EPHB2: variants seen among roughly 807,000 people sequenced by gnomAD.
The protein encoded by EPHB2 is EPH receptor B2.
Under a neutral mutation model 96.4 loss-of-function variants are expected in EPHB2, and 18 were observed. The ratio of observed to expected loss-of-function variants is 0.19; its 90% CI spans 0.13 to 0.28. The LOEUF is 0.28. Ranked by LOEUF, EPHB2 falls within the 10% of genes least tolerant of loss-of-function variation. EPHB2 has a pLI of 1.00. For synonymous variants in EPHB2, 506 were observed against 534.1 expected (o/e 0.95, Z 0.72); for missense variants, 989 against 1,355.4 (o/e 0.73, Z 4.25).
At chr1:22,806,472 T>C (rs1427774761) in intron 3 of EPHB2, among the ~76,000 whole-genome samples, 1 of 146,044 alleles carries the variant, frequency 6.8e-6, no homozygotes. Context: ...AGTGGATGGA[T>C]GGATGGACGG....
At chr1:22,895,616 G>C (rs1639533769) in intron 8 of EPHB2, 36 bp downstream of exon 8, 5 of 1,571,182 alleles carry the variant, frequency 3.2e-6, no homozygotes, top group Non-Finnish European at 3.5e-6. Flanking sequence ...AGGCCTGGCT[G>C]TCCCAGATGG....
At chr1:22,808,242 C>A (rs968505442) in intron 3 of EPHB2, among the ~76,000 whole-genome samples, 4 of 152,184 alleles carry the variant, frequency 2.6e-5, no homozygotes, top group African/African-American at 9.7e-5. Context: ...CTGAGGTTCC[C>A]CAAACCTGAA....
At chr1:22,723,207 C>T (rs1026115128) in intron 1 of EPHB2, among the ~76,000 whole-genome samples, 6 of 152,242 alleles carry the variant, frequency 3.9e-5, no homozygotes, top group African/African-American at 1.2e-4. Flanking sequence ...GCTTAGCGCA[C>T]AGTGGGATGC....
intron 1 of EPHB2, among the ~76,000 whole-genome samples, chr1:22,765,563 A>AAAAG (rs1553162300): frequency 6.7e-6 from 1 of 149,496 alleles, no homozygotes; most frequent in Non-Finnish European, 1.5e-5. Flanking sequence ...AAAAAAAAAA[A>AAAAG]CATTGAGTTC....
intron 1 of EPHB2, among the ~76,000 whole-genome samples, chr1:22,777,645 C>G (rs188621685): frequency 5.3e-5 from 8 of 152,332 alleles, no homozygotes; most frequent in African/African-American, 1.7e-4. Flanking sequence ...GGGAAAGCAG[C>G]ATCAGATGGA....
intron 3 of EPHB2, among the ~76,000 whole-genome samples, chr1:22,795,295 C>T (rs1445531328): frequency 6.6e-6 from 1 of 152,210 alleles, no homozygotes; most frequent in African/African-American, 2.4e-5. Flanking sequence ...ACTTGCAGAG[C>T]CTCCCTAAAA....
intron 5 of EPHB2, among the ~76,000 whole-genome samples, 180 bp downstream of exon 5, chr1:22,865,392 A>T (rs1057327965): frequency 6.6e-6 from 1 of 152,234 alleles, no homozygotes; most frequent in African/African-American, 2.4e-5. Flanking sequence ...TGGTATTAAT[A>T]ACAATTGCTC....
intron 5 of EPHB2, among the ~76,000 whole-genome samples, chr1:22,868,240 C>T (rs183638172): frequency 5.8e-4 from 89 of 152,142 alleles, no homozygotes; most frequent in African/African-American, 1.8e-3. Flanking sequence ...GAGGGGTTTC[C>T]GGGGAATAGG....
chr1:22,907,040 G>A (rs1051376728), intron 11 of EPHB2, 83 bp downstream of exon 11: 7 of 1,489,892 alleles, frequency 4.7e-6, no homozygotes, highest in South Asian at 1.4e-5. Flanking sequence ...GTCAGAGCCT[G>A]AAGGGGTCTT....
At chr1:22,737,765 C>G (rs1211000065) in intron 1 of EPHB2, among the ~76,000 whole-genome samples, 1 of 152,164 alleles carries the variant, frequency 6.6e-6, no homozygotes, top group East Asian at 1.9e-4. Context: ...CCAACAGGCT[C>G]TTGGGTTGAT....
chr1:22,741,520 T>C (rs948954812), intron 1 of EPHB2, among the ~76,000 whole-genome samples: 3 of 151,892 alleles, frequency 2.0e-5, no homozygotes, highest in Non-Finnish European at 2.9e-5. Flanking sequence ...GCCTGATGCA[T>C]AGAATAACTC....
chr1:22,908,469 G>A (rs536511060), intron 12 of EPHB2, among the ~76,000 whole-genome samples: 2 of 152,336 alleles, frequency 1.3e-5, no homozygotes, highest in East Asian at 1.9e-4. Flanking sequence ...GCCCGGAAAC[G>A]TTTGTCAGAT....
At chr1:22,763,497 C>T (rs1383874454) in intron 1 of EPHB2, among the ~76,000 whole-genome samples, 1 of 152,056 alleles carries the variant, frequency 6.6e-6, no homozygotes, top group African/African-American at 2.4e-5. Context: ...GGGTGGCTCC[C>T]CTCAACCATA....
In EPHB2 at chr1:22,781,422, A is replaced by T. The variant is rs779339531; in HGVS notation, c.63A>T (p.Glu21Asp). 2.0e-5 allele frequency: 33 copies of T among 1,613,830 alleles called. No homozygotes were observed. Among genetic ancestry groups the T allele is most frequent in the Non-Finnish European group, 2.6e-5 (31 of 1,179,974 alleles). Residue 21 changes from glutamate to aspartate, a missense_variant and splice_region_variant, in exon 2 of 16, where the codon GAA becomes GAT. Coordinates refer to ENST00000374630, the MANE Select transcript of EPHB2 (RefSeq NM_017449.5). ...GGTGACTCTTTGCTCTCCCCACAGAAACGCTAATGGACTCCACTACAGCGA... is the reference window on the plus strand; with the variant it reads ...GGTGACTCTTTGCTCTCCCCACAGATACGCTAATGGACTCCACTACAGCGA... The part of the protein sequence containing the change: ...LLLPLLAAVE[E>D]TLMDSTTATA...
At position 22,834,421 on chromosome 1, in the gene EPHB2, C is replaced by A. The variant is rs185792693; in HGVS notation, c.812-28616C>A. Among the ~76,000 whole-genome samples, 165 of 152,230 alleles carry A rather than the reference C, an allele frequency of 1.1e-3. 1 individual carries two copies. Among genetic ancestry groups the A allele is most frequent in the African/African-American group, 3.9e-3 (161 of 41,530 alleles). ...TCCATGACTTCGGACGATTAAAATACCTTGTCTGAATCTTAGTTTCCTTAT... is the reference window on the plus strand; with the variant it reads ...TCCATGACTTCGGACGATTAAAATAACTTGTCTGAATCTTAGTTTCCTTAT... On this transcript the variant is annotated intron_variant, in intron 3 of 15. Coordinates refer to ENST00000374630, the MANE Select transcript of EPHB2 (RefSeq NM_017449.5).
intron 1 of EPHB2, among the ~76,000 whole-genome samples, chr1:22,731,856 C>A (rs1213235832): frequency 1.3e-5 from 2 of 152,136 alleles, no homozygotes; most frequent in African/African-American, 4.8e-5. Flanking sequence ...AACAAAACAA[C>A]AACAACAAAA....
At chr1:22,737,060 TC>T (rs1176851493) in intron 1 of EPHB2, among the ~76,000 whole-genome samples, 1 of 152,150 alleles carries the variant, frequency 6.6e-6, no homozygotes, top group African/African-American at 2.4e-5. Context: ...ATCCAGTGCT[TC>T]CGTTTCTAAT....
chr1:22,769,856 A>T (rs1644354818), intron 1 of EPHB2, among the ~76,000 whole-genome samples: 1 of 152,208 alleles, frequency 6.6e-6, no homozygotes, highest in Non-Finnish European at 1.5e-5. Context: ...GCGAGTGGAT[A>T]AATGAATGGA....
chr1:22,847,370 T>C (rs1011582527), intron 3 of EPHB2, among the ~76,000 whole-genome samples: 2 of 152,212 alleles, frequency 1.3e-5, no homozygotes, highest in Non-Finnish European at 2.9e-5. Context: ...TGATAACTTA[T>C]ATGAAGCCTG....
Sources: gnomAD v4.1 joint callset for allele counts (sites outside exome capture counted in the v4.1 genomes callset) on GRCh38, gnomAD v4.1.1 for gene constraint, MANE v1.5 for transcripts, NCBI Gene and HGNC (gene_info 2026-07-23, HGNC 2026-07-21) for gene names.